The following CNTNAP2 variants were observed in gnomAD, a reference collection of about 807,000 sequenced individuals.
CNTNAP2 encodes the protein contactin-associated protein-like 2.
In CNTNAP2, 98 loss-of-function variants were observed where a neutral mutation model predicts 155.2. The ratio of observed to expected loss-of-function variants is 0.63; its 90% CI spans 0.54 to 0.75. CNTNAP2 has a LOEUF of 0.75. Ranked by LOEUF, CNTNAP2 falls within the 30% of genes least tolerant of loss-of-function variation. CNTNAP2 has a pLI of 0.00. For synonymous variants in CNTNAP2, 651 were observed against 631.2 expected, an observed-to-expected ratio of 1.03 and a Z score of -0.47; for missense variants, 1,727 against 1,688.1, an observed-to-expected ratio of 1.02 and a Z score of -0.40.
intron 4 of CNTNAP2, among the ~76,000 whole-genome samples, chr7:147,070,401 T>C (rs964219026): frequency 3.9e-5 from 6 of 152,210 alleles, no homozygotes; most frequent in South Asian, 2.1e-4. Flanking sequence ...TATGGTTAGC[T>C]CATTTTCAAG....
intron 12 of CNTNAP2, among the ~76,000 whole-genome samples, chr7:147,582,488 A>T (rs1389680399): frequency 6.6e-6 from 1 of 152,134 alleles, no homozygotes; most frequent in Non-Finnish European, 1.5e-5. Flanking sequence ...TAATATGCAG[A>T]TATGAAACTA....
chr7:146,721,451 T>G, intron 1 of CNTNAP2, among the ~76,000 whole-genome samples: 1 of 128,114 alleles, frequency 7.8e-6, no homozygotes, highest in Admixed American at 8.0e-5. Context: ...ATATACATTC[T>G]ATATACATTT....
At chr7:147,259,636 T>C (rs776415231) in intron 8 of CNTNAP2, among the ~76,000 whole-genome samples, 1 of 152,218 alleles carries the variant, frequency 6.6e-6, no homozygotes, top group African/African-American at 2.4e-5. Context: ...GCAGTGTTTA[T>C]ATCATTTGCA....
At chr7:148,019,024 G>A (rs1033065375) in intron 15 of CNTNAP2, among the ~76,000 whole-genome samples, 14 of 152,150 alleles carry the variant, frequency 9.2e-5, no homozygotes, top group Non-Finnish European at 1.3e-4. Context: ...GGCAAGTTCT[G>A]TCCCCATCTT....
chr7:147,438,561 T>C lies in CNTNAP2; in HGVS notation c.1670+42781T>C, dbSNP rs1236193651. The stretch of plus-strand genomic sequence containing the variant: ...GGCCTGTAGTTTTATTTTTTTCATG[T>C]GTCTTTGTCTGGTTTTGGAATCAGG... On this transcript the variant is annotated intron_variant, in intron 10 of 23. Transcript: ENST00000361727. Among the ~76,000 whole-genome samples the C allele has an allele frequency of 2.0e-5, 3 of 151,994 alleles. No individual in the cohort carries two copies. The East Asian group carries it at 5.8e-4, about 29-fold the overall frequency.
intron 21 of CNTNAP2, among the ~76,000 whole-genome samples, chr7:148,369,489 A>T (rs1195075758): frequency 1.3e-5 from 2 of 151,754 alleles, no homozygotes; most frequent in Non-Finnish European, 2.9e-5. Flanking sequence ...AAGTGATCCA[A>T]AGTGCTGGGA....
At chr7:146,596,951 C>T (rs150454965) in intron 1 of CNTNAP2, among the ~76,000 whole-genome samples, 1 of 152,056 alleles carries the variant, frequency 6.6e-6, no homozygotes, top group East Asian at 1.9e-4. Context: ...ATCCCCACTG[C>T]CTAATATGTA....
At chr7:147,976,395 C>A (rs1771495804) in intron 14 of CNTNAP2, among the ~76,000 whole-genome samples, 1 of 152,038 alleles carries the variant, frequency 6.6e-6, no homozygotes, top group Admixed American at 6.6e-5. Context: ...GATTGTAATT[C>A]ATAAGACTTC....
intron 10 of CNTNAP2, among the ~76,000 whole-genome samples, chr7:147,458,423 A>G (rs10242076): frequency 0.55 from 82,933 of 151,864 alleles, 22,853 homozygotes; most frequent in East Asian, 0.68. Flanking sequence ...TGATAACATG[A>G]TATAACTTTC....
intron 15 of CNTNAP2, among the ~76,000 whole-genome samples, chr7:147,998,389 G>A (rs1184613996): frequency 6.6e-6 from 1 of 152,134 alleles, no homozygotes; most frequent in African/African-American, 2.4e-5. Flanking sequence ...GGGATTACAG[G>A]CGAGAGCCAC....
intron 13 of CNTNAP2, among the ~76,000 whole-genome samples, chr7:147,857,148 G>A (rs1347387229): frequency 6.6e-6 from 1 of 152,172 alleles, no homozygotes; most frequent in Non-Finnish European, 1.5e-5. Context: ...ATCTTGGTTA[G>A]TTTAATTAAA....
chr7:146,819,762 C>T (rs1364773082), intron 2 of CNTNAP2, among the ~76,000 whole-genome samples: 3 of 152,078 alleles, frequency 2.0e-5, no homozygotes, highest in African/African-American at 4.8e-5. Flanking sequence ...TCAGGAATTG[C>T]TACTAACTCA....
At chr7:146,622,257 A>ATC (rs1238171045) in intron 1 of CNTNAP2, among the ~76,000 whole-genome samples, 2 of 129,798 alleles carry the variant, frequency 1.5e-5, no homozygotes, top group Non-Finnish European at 3.1e-5. Context: ...CTATCTATCT[A>ATC]TCTATCTATC....
chr7:147,355,459 G>C (rs139527563), intron 9 of CNTNAP2, among the ~76,000 whole-genome samples: 43 of 151,874 alleles, frequency 2.8e-4, no homozygotes, highest in African/African-American at 9.7e-4. Flanking sequence ...AACTGAAGGA[G>C]ATACAGATAC....
chr7:147,811,860 A>G (rs759026693), intron 13 of CNTNAP2, among the ~76,000 whole-genome samples: 2 of 152,176 alleles, frequency 1.3e-5, no homozygotes, highest in East Asian at 1.9e-4. Flanking sequence ...CATATTCTCC[A>G]TGAGCAAATA....
chr7:146,344,902 C>A (rs1409641000), intron 1 of CNTNAP2, among the ~76,000 whole-genome samples: 2 of 152,252 alleles, frequency 1.3e-5, no homozygotes, highest in East Asian at 3.9e-4. Context: ...AAAATTAATA[C>A]CCATGACTAG....
rs1798366453 is a variant in CNTNAP2 at position 146,999,023 on chromosome 7, T to A, written c.403-44884T>A. Among the ~76,000 whole-genome samples the A allele has an allele frequency of 2.0e-5, 3 of 151,940 alleles. No individual in the cohort carries two copies. The South Asian group carries it at 6.2e-4, about 31-fold the overall frequency. ...ATGTAGGAACTTACTGCTGTCTTTTTGTTACTTGTTTTCTAGTTGTTATAC... is the reference window on the plus strand; with the variant it reads ...ATGTAGGAACTTACTGCTGTCTTTTAGTTACTTGTTTTCTAGTTGTTATAC... On this transcript the variant is annotated intron_variant, in intron 3 of 23. Transcript: ENST00000361727.
chr7:146,902,075 G>A (rs1348942862), intron 3 of CNTNAP2, among the ~76,000 whole-genome samples: 3 of 151,658 alleles, frequency 2.0e-5, no homozygotes, highest in African/African-American at 4.8e-5. Context: ...TAGTGGAGAC[G>A]GGGTTTCACC....
At chr7:146,474,997 GCACGCGCGCGCGCGCGCACA>G (rs1796854116) in intron 1 of CNTNAP2, among the ~76,000 whole-genome samples, 1 of 132,358 alleles carries the variant, frequency 7.6e-6, no homozygotes, top group Non-Finnish European at 1.6e-5. Context: ...GCACGAGCGC[GCACGCGCGCGCGCGCGCACA>G]CACACACACA....
Sources: allele counts gnomAD v4.1 joint callset (sites outside exome capture counted in the v4.1 genomes callset), GRCh38; gene constraint gnomAD v4.1.1; transcripts MANE v1.5; gene names NCBI Gene and HGNC (gene_info 2026-07-23, HGNC 2026-07-21).